The following ATP8A2 variants were observed in gnomAD, a reference collection of about 807,000 sequenced individuals.
The protein encoded by ATP8A2 is ATPase phospholipid transporting 8A2.
In ATP8A2, 100 loss-of-function variants were observed where a neutral mutation model predicts 165.6. That is an observed-to-expected ratio of 0.60 (90% confidence interval 0.51 to 0.71). The LOEUF is 0.71. ATP8A2 is among the 30% of genes least tolerant of loss of function. The pLI is 0.00. For synonymous variants in ATP8A2, 543 were observed against 548.8 expected (o/e 0.99, Z 0.15); for missense variants, 1,227 against 1,479.5 (o/e 0.83, Z 2.80).
intron 24 of ATP8A2, among the ~76,000 whole-genome samples, chr13:25,670,357 C>T (rs1036083932): frequency 2.2e-4 from 33 of 152,252 alleles, no homozygotes; most frequent in South Asian, 1.5e-3. Flanking sequence ...TTGAATCAGA[C>T]GTTCTGCAGT....
chr13:25,646,039 A>G (rs1283730169), intron 24 of ATP8A2, among the ~76,000 whole-genome samples: 1 of 152,102 alleles, frequency 6.6e-6, no homozygotes, highest in African/African-American at 2.4e-5. Context: ...ATTATATTGG[A>G]ATCTATCTCT....
intron 17 of ATP8A2, 55 bp from the exon 18 acceptor site, chr13:25,571,555 A>C (rs983257825): frequency 3.7e-6 from 5 of 1,342,714 alleles, no homozygotes; most frequent in Non-Finnish European, 5.3e-6. Flanking sequence ...GACACTAAAC[A>C]GAATTCTGTC....
rs149629743 is a variant in ATP8A2 at position 25,985,047 on chromosome 13, A to G, written c.3377+16368A>G. On this transcript the variant is annotated intron_variant, in intron 35 of 36. Transcript: ENST00000381655. ...TTTAACAACCGCCTTACACGTAAGA[A>G]CGAAGGAACCAAATGTGCAAATTTA... 2.6e-5 allele frequency among the ~76,000 whole-genome samples: 4 copies of G among 152,380 alleles called. No homozygotes were observed. In the East Asian group the frequency reaches 7.7e-4, roughly 29 times the overall value.
intron 1 of ATP8A2, among the ~76,000 whole-genome samples, chr13:25,419,903 C>G (rs1382691771): frequency 1.3e-5 from 2 of 152,098 alleles, no homozygotes; most frequent in East Asian, 3.9e-4. Context: ...TCTGACAATG[C>G]ACATGCAGGC....
At chr13:26,015,585 C>T (rs569237814) in intron 36 of ATP8A2, among the ~76,000 whole-genome samples, 2 of 151,572 alleles carry the variant, frequency 1.3e-5, no homozygotes, top group African/African-American at 2.4e-5. Flanking sequence ...AGTTTTATTC[C>T]AAAATAATGA....
chr13:25,688,762 G>A (rs2042660074), intron 24 of ATP8A2, among the ~76,000 whole-genome samples: 1 of 152,214 alleles, frequency 6.6e-6, no homozygotes, highest in African/African-American at 2.4e-5. Context: ...ACGCCCTGTG[G>A]GCTAACCTGC....
intron 24 of ATP8A2, among the ~76,000 whole-genome samples, chr13:25,657,844 G>A (rs1224011602): frequency 6.6e-6 from 1 of 152,226 alleles, no homozygotes; most frequent in Non-Finnish European, 1.5e-5. Context: ...AAAATGAGCA[G>A]TTGCTACAAA....
At chr13:25,622,205 CAAA>C (rs66680708) in intron 24 of ATP8A2, among the ~76,000 whole-genome samples, 3 of 124,898 alleles carry the variant, frequency 2.4e-5, no homozygotes, top group African/African-American at 5.8e-5. Context: ...GACTCTGTCT[CAAA>C]AAAAAAAAAA....
intron 35 of ATP8A2, among the ~76,000 whole-genome samples, chr13:25,989,526 A>G (rs1336635838): frequency 6.6e-6 from 1 of 152,206 alleles, no homozygotes; most frequent in Non-Finnish European, 1.5e-5. Context: ...TTGTCCAGTC[A>G]CATTTAATTT....
intron 1 of ATP8A2, among the ~76,000 whole-genome samples, chr13:25,463,904 C>T (rs2035567919): frequency 6.6e-6 from 1 of 152,064 alleles, no homozygotes; most frequent in Non-Finnish European, 1.5e-5. Flanking sequence ...CTCCTCTGCC[C>T]TTCCCTGTTC....
At chr13:25,752,626 G>T (rs543774343) in intron 25 of ATP8A2, among the ~76,000 whole-genome samples, 7 of 152,142 alleles carry the variant, frequency 4.6e-5, no homozygotes, top group African/African-American at 1.4e-4. Context: ...GTTTTGTTTT[G>T]TGTTTAGAGA....
intron 8 of ATP8A2, among the ~76,000 whole-genome samples, chr13:25,541,629 A>G (rs1448542552): frequency 1.3e-5 from 2 of 152,218 alleles, no homozygotes; most frequent in African/African-American, 4.8e-5. Context: ...TGCTTGCTGT[A>G]AGGTGCTGGG....
intron 35 of ATP8A2, among the ~76,000 whole-genome samples, chr13:25,980,960 T>C (rs1482109604): frequency 2.0e-5 from 3 of 152,232 alleles, no homozygotes; most frequent in Non-Finnish European, 4.4e-5. Context: ...TATGAATTTA[T>C]GATATGTGTT....
rs183566743 is a variant in ATP8A2, at chr13:25,951,118, A to G, written c.3184-10457A>G. Among the ~76,000 whole-genome samples, 522 of 151,998 alleles carry G rather than the reference A, an allele frequency of 3.4e-3. 2 individuals are homozygous for G. Among genetic ancestry groups the G allele is most frequent in the Non-Finnish European group, 6.2e-3 (422 of 67,974 alleles). On this transcript the variant is annotated intron_variant, in intron 33 of 36. Transcript: ENST00000381655. ...TCTTCCTGTATGATAGAGCAACCCC[A>G]CTCCCAGGTGTTGACCCAAAAGAAC...
At chr13:25,549,005 T>C (rs1037195950) in intron 10 of ATP8A2, among the ~76,000 whole-genome samples, 2 of 152,218 alleles carry the variant, frequency 1.3e-5, no homozygotes, top group Non-Finnish European at 2.9e-5. Context: ...TGTATTCTTA[T>C]CTTTGGAGAC....
At chr13:25,426,288 C>G (rs1248339697) in intron 1 of ATP8A2, among the ~76,000 whole-genome samples, 2 of 152,120 alleles carry the variant, frequency 1.3e-5, no homozygotes, top group African/African-American at 4.8e-5. Context: ...AGGAGCTTGC[C>G]CATCACATGA....
chr13:25,403,105 G>T (rs1179112784), intron 1 of ATP8A2, among the ~76,000 whole-genome samples: 6 of 152,104 alleles, frequency 3.9e-5, no homozygotes. Context: ...TGCTGCATTG[G>T]GGATTACATT....
chr13:25,492,387 T>C (rs1352601944), intron 2 of ATP8A2, among the ~76,000 whole-genome samples: 4 of 152,250 alleles, frequency 2.6e-5, no homozygotes, highest in African/African-American at 9.6e-5. Flanking sequence ...CTATTTTTGC[T>C]GTTTGTTTCT....
intron 24 of ATP8A2, among the ~76,000 whole-genome samples, chr13:25,655,803 T>G (rs1345133026): frequency 6.6e-6 from 1 of 152,164 alleles, no homozygotes; most frequent in Non-Finnish European, 1.5e-5. Flanking sequence ...ATGTATTTTC[T>G]GTAGTTTAAA....
Sources: allele counts gnomAD v4.1 joint callset (sites outside exome capture counted in the v4.1 genomes callset), GRCh38; gene constraint gnomAD v4.1.1; transcripts MANE v1.5; gene names NCBI Gene and HGNC (gene_info 2026-07-23, HGNC 2026-07-21).